The following CAPZB variants were observed in gnomAD, a reference collection of about 807,000 sequenced individuals.
The protein encoded by CAPZB is capping actin protein of muscle Z-line subunit beta, also known as F-actin-capping protein subunit beta.
A neutral mutation model predicts 38.1 loss-of-function variants in CAPZB; 2 were observed. The observed-to-expected ratio is 0.05, with a 90% CI of 0.02 to 0.17. CAPZB has a LOEUF of 0.17. Ranked by LOEUF, CAPZB falls within the 10% of genes least tolerant of loss-of-function variation. CAPZB has a pLI of 1.00. For missense variants in CAPZB, 161 were observed against 334.2 expected, an observed-to-expected ratio of 0.48 and a Z score of 4.04; for synonymous variants, 107 against 127.4, an observed-to-expected ratio of 0.84 and a Z score of 1.08.
intron 1 of CAPZB, among the ~76,000 whole-genome samples, chr1:19,430,183 A>G (rs2094437467): frequency 6.6e-6 from 1 of 152,040 alleles, no homozygotes; most frequent in Non-Finnish European, 1.5e-5. Flanking sequence ...AACTACCCTG[A>G]CACCCTCCCT....
chr1:19,451,743 TCTAA>T (rs2094516849), intron 1 of CAPZB, among the ~76,000 whole-genome samples: 1 of 83,854 alleles, frequency 1.2e-5, no homozygotes, highest in Non-Finnish European at 2.8e-5. Flanking sequence ...TAATGTGTCC[TCTAA>T]TCTATTTATT....
intron 2 of CAPZB, among the ~76,000 whole-genome samples, chr1:19,415,271 G>C (rs751286697): frequency 6.0e-4 from 91 of 152,222 alleles, no homozygotes; most frequent in Non-Finnish European, 1.2e-3. Context: ...AGGGAGGAAT[G>C]ACTGCTGTTT....
chr1:19,455,689 A>G (rs1388593091), intron 1 of CAPZB, among the ~76,000 whole-genome samples: 1 of 152,166 alleles, frequency 6.6e-6, no homozygotes, highest in East Asian at 1.9e-4. Context: ...GAGGAGCTAC[A>G]AAGAGATGAG....
At chr1:19,484,468 G>A in intron 1 of CAPZB, 1 of 1,453,162 alleles carries the variant, frequency 6.9e-7, no homozygotes, top group Non-Finnish European at 9.1e-7. Flanking sequence ...ACCCACGGCG[G>A]CAGCCTCGAG....
At chr1:19,450,236 A>C (rs1389601976) in intron 1 of CAPZB, among the ~76,000 whole-genome samples, 3 of 150,624 alleles carry the variant, frequency 2.0e-5, no homozygotes, top group Non-Finnish European at 4.4e-5. Flanking sequence ...ATGCAGGCTG[A>C]GTATTAGTTT....
At chr1:19,365,440 C>T (rs970735399) in intron 4 of CAPZB, among the ~76,000 whole-genome samples, 28 of 152,162 alleles carry the variant, frequency 1.8e-4, no homozygotes, top group Admixed American at 1.6e-3. Flanking sequence ...AGAAAGAGCA[C>T]GGGCAGCCCT....
intron 1 of CAPZB, among the ~76,000 whole-genome samples, chr1:19,432,014 G>A (rs925962840): frequency 1.6e-5 from 2 of 126,682 alleles, no homozygotes; most frequent in African/African-American, 6.3e-5. Flanking sequence ...AGGCTGCCCA[G>A]TCTGCATAAC....
chr1:19,343,179 C>T (rs2093941903), intron 8 of CAPZB, among the ~76,000 whole-genome samples: 1 of 152,220 alleles, frequency 6.6e-6, no homozygotes, highest in Non-Finnish European at 1.5e-5. Context: ...CAGTGGCTGC[C>T]AGTGGCAGGC....
At chr1:19,364,857 CTT>C (rs762462532) in intron 4 of CAPZB, among the ~76,000 whole-genome samples, 3 of 150,038 alleles carry the variant, frequency 2.0e-5, no homozygotes, top group African/African-American at 4.9e-5. Context: ...TTTTTTCTCT[CTT>C]TTTTTGAGAC....
chr1:19,428,943 G>A (rs1049550686), intron 1 of CAPZB, among the ~76,000 whole-genome samples: 2 of 152,062 alleles, frequency 1.3e-5, no homozygotes, highest in African/African-American at 4.8e-5. Flanking sequence ...CATTATTTTC[G>A]AGGACTGGTC....
chr1:19,365,560 G>A (rs1196878653), intron 4 of CAPZB, among the ~76,000 whole-genome samples: 1 of 152,160 alleles, frequency 6.6e-6, no homozygotes, highest in East Asian at 1.9e-4. Context: ...GCCGGGCATG[G>A]TGGCTCACGC....
At chr1:19,464,666 C>T (rs2094563480) in intron 1 of CAPZB, among the ~76,000 whole-genome samples, 1 of 152,120 alleles carries the variant, frequency 6.6e-6, no homozygotes, top group Admixed American at 6.5e-5. Flanking sequence ...TCATCAACTG[C>T]TGAATGGTAC....
chr1:19,365,596 C>T (rs765832439), intron 4 of CAPZB, among the ~76,000 whole-genome samples: 17 of 151,960 alleles, frequency 1.1e-4, no homozygotes, highest in South Asian at 4.1e-4. Context: ...TTAGGGAGGC[C>T]GAGACGGGCA....
chr1:19,406,151 A>G (rs1338448807), intron 2 of CAPZB, among the ~76,000 whole-genome samples: 1 of 152,368 alleles, frequency 6.6e-6, no homozygotes, highest in Non-Finnish European at 1.5e-5. Flanking sequence ...TGATTAGTGA[A>G]TAAGAAGTGT....
chr1:19,380,044 T>A (rs1000855636), intron 3 of CAPZB, among the ~76,000 whole-genome samples: 7 of 152,162 alleles, frequency 4.6e-5, no homozygotes, highest in Non-Finnish European at 8.8e-5. Flanking sequence ...CAAACCCCAG[T>A]TTTAAAGAAT....
At chr1:19,363,840 G>C (rs1192479738) in intron 4 of CAPZB, among the ~76,000 whole-genome samples, 1 of 152,166 alleles carries the variant, frequency 6.6e-6, no homozygotes, top group African/African-American at 2.4e-5. Flanking sequence ...AGAAGAGCTG[G>C]ATTCGTGGCT....
intron 3 of CAPZB, among the ~76,000 whole-genome samples, chr1:19,379,971 C>G (rs2094165234): frequency 6.6e-6 from 1 of 152,174 alleles, no homozygotes; most frequent in South Asian, 2.1e-4. Flanking sequence ...GCATCCCCTC[C>G]TGACCACATC....
At chr1:19,411,360 C>T (rs1191282404) in intron 2 of CAPZB, among the ~76,000 whole-genome samples, 17 of 152,184 alleles carry the variant, frequency 1.1e-4, no homozygotes, top group Non-Finnish European at 2.9e-5. Flanking sequence ...ATAACCAAAG[C>T]TTACTGCGTG....
At chr1:19,344,121 G>A (rs1287995062) in intron 8 of CAPZB, among the ~76,000 whole-genome samples, 1 of 152,176 alleles carries the variant, frequency 6.6e-6, no homozygotes, top group Non-Finnish European at 1.5e-5. Context: ...GGCTGTTAGG[G>A]TGAACATGCC....
Sources: allele counts gnomAD v4.1 joint callset (sites outside exome capture counted in the v4.1 genomes callset), GRCh38; gene constraint gnomAD v4.1.1; transcripts MANE v1.5; gene names NCBI Gene and HGNC (gene_info 2026-07-23, HGNC 2026-07-21).